SVIL: variants seen among roughly 807,000 people sequenced by gnomAD.
SVIL encodes archvillin.
SVIL carries 101 observed loss-of-function variants against 240.4 expected under a neutral mutation model. That is an observed-to-expected ratio of 0.42 (90% CI 0.36 to 0.50). The LOEUF is 0.50. SVIL is among the 20% of genes least tolerant of loss of function. The pLI, the probability that SVIL is intolerant of heterozygous loss-of-function variation, is 0.01. For synonymous variants in SVIL, 999 were observed against 1,100.0 expected (o/e 0.91, Z 1.82); for missense variants, 2,512 against 2,818.7 (o/e 0.89, Z 2.46).
chr10:29,619,231 G>A (rs1957538223), intron 1 of SVIL, among the ~76,000 whole-genome samples: 1 of 152,176 alleles, frequency 6.6e-6, no homozygotes, highest in Non-Finnish European at 1.5e-5. Flanking sequence ...AAGAATACAC[G>A]TTTTAGGAGA....
chr10:29,512,904 C>T (rs758107345), intron 16 of SVIL, 43 bp from the exon 17 acceptor site: 1 of 1,595,972 alleles, frequency 6.3e-7, no homozygotes, highest in South Asian at 1.1e-5. Flanking sequence ...CAGCACCAAA[C>T]TCTTCCTTGT....
intron 17 of SVIL, chr10:29,508,057 T>G: frequency 3.9e-6 from 1 of 253,846 alleles, no homozygotes; most frequent in South Asian, 4.6e-5. Context: ...ATGAGTTAAT[T>G]TATAGAAGAT....
upstream of SVIL, among the ~76,000 whole-genome samples, chr10:29,638,270 T>C (rs925885672): frequency 1.3e-5 from 2 of 152,180 alleles, no homozygotes; most frequent in South Asian, 4.1e-4. Flanking sequence ...GAGAACATCC[T>C]AGCCAACGTG....
At chr10:29,621,830 G>A (rs555369864) in intron 1 of SVIL, among the ~76,000 whole-genome samples, 24 of 148,722 alleles carry the variant, frequency 1.6e-4, no homozygotes, top group East Asian at 3.9e-4. Context: ...AAATATATGC[G>A]CACGCACACA....
At chr10:29,637,894 A>C (rs887551615), upstream of SVIL, among the ~76,000 whole-genome samples, 6 of 152,246 alleles carry the variant, frequency 3.9e-5, no homozygotes, top group African/African-American at 1.4e-4. Context: ...GTACACTTAC[A>C]TAGCATTTCC....
At chr10:29,724,579 A>G (rs544970673) in intron 1 of SVIL, among the ~76,000 whole-genome samples, 2 of 152,340 alleles carry the variant, frequency 1.3e-5, no homozygotes, top group East Asian at 3.9e-4. Flanking sequence ...AAAAAAATAT[A>G]TAAATCCTAT....
At chr10:29,558,607 A>G (rs994745591) in intron 3 of SVIL, among the ~76,000 whole-genome samples, 1 of 151,868 alleles carries the variant, frequency 6.6e-6, no homozygotes, top group Non-Finnish European at 1.5e-5. Flanking sequence ...AATGTGTATT[A>G]TATTACATAT....
chr10:29,586,890 G>A (rs1158428809), intron 1 of SVIL, among the ~76,000 whole-genome samples: 1 of 152,124 alleles, frequency 6.6e-6, no homozygotes, highest in Admixed American at 6.5e-5. Flanking sequence ...GGGGCCTTTC[G>A]CAGGGTGGAG....
intron 17 of SVIL, chr10:29,507,622 C>CACACACACAA: frequency 7.0e-6 from 2 of 287,132 alleles, no homozygotes; most frequent in Non-Finnish European, 1.0e-5. Flanking sequence ...CACACACACA[C>CACACACACAA]CTCTCTTTCA....
chr10:29,463,177 G>A lies in SVIL; in HGVS notation c.6277+315C>T, dbSNP rs117271981. ...CTTGTCTCTCAGCATGATCAACCCC[G>A]AGTACAGCGGGGTTTTAATCTGCCT... On this transcript the variant is annotated intron_variant, in intron 35 of 37. Transcript: ENST00000355867. Among the ~76,000 whole-genome samples, 352 of 152,304 alleles carry A rather than the reference G, an allele frequency of 2.3e-3. 9 individuals are homozygous for A. In the East Asian group the frequency reaches 0.06, roughly 26 times the overall value.
At chr10:29,724,623 G>C (rs902865128) in intron 1 of SVIL, among the ~76,000 whole-genome samples, 2 of 152,152 alleles carry the variant, frequency 1.3e-5, no homozygotes, top group Non-Finnish European at 2.9e-5. Context: ...TTTTTAGGAA[G>C]TGGATGGACA....
At chr10:29,539,316 T>C (rs922065824) in intron 6 of SVIL, among the ~76,000 whole-genome samples, 1 of 152,238 alleles carries the variant, frequency 6.6e-6, no homozygotes, top group Admixed American at 6.5e-5. Context: ...ATTTCTCTTT[T>C]TATGCTTTGA....
intron 3 of SVIL, among the ~76,000 whole-genome samples, chr10:29,560,749 C>T (rs1954381842): frequency 6.6e-6 from 1 of 151,734 alleles, no homozygotes; most frequent in Non-Finnish European, 1.5e-5. Context: ...GCTGGTCTTT[C>T]CAAATCTGCC....
intron 1 of SVIL, among the ~76,000 whole-genome samples, chr10:29,586,209 G>A (rs1043578144): frequency 2.6e-5 from 4 of 152,244 alleles, no homozygotes; most frequent in African/African-American, 9.6e-5. Context: ...AAGGAGAGGG[G>A]AGGCTGGTTA....
chr10:29,621,917 G>C (rs987489313), intron 1 of SVIL, among the ~76,000 whole-genome samples: 1 of 152,046 alleles, frequency 6.6e-6, no homozygotes, highest in Non-Finnish European at 1.5e-5. Flanking sequence ...CATACACGTA[G>C]ACATACACAA....
intron 1 of SVIL, among the ~76,000 whole-genome samples, chr10:29,701,197 C>A (rs1301673112): frequency 2.0e-5 from 3 of 152,152 alleles, no homozygotes; most frequent in African/African-American, 7.2e-5. Context: ...ACTCCTCTGT[C>A]CACAGCCAAA....
At chr10:29,625,495 A>T (rs1393719565) in intron 1 of SVIL, among the ~76,000 whole-genome samples, 2 of 151,904 alleles carry the variant, frequency 1.3e-5, no homozygotes, top group East Asian at 1.9e-4. Flanking sequence ...ACGGAGTCTC[A>T]CTCTGTTGCC....
chr10:29,653,645 T>G (rs1368415712), intron 3 of SVIL, among the ~76,000 whole-genome samples: 1 of 152,172 alleles, frequency 6.6e-6, no homozygotes, highest in Non-Finnish European at 1.5e-5. Flanking sequence ...GCCATTAAAT[T>G]TGTATCTATG....
chr10:29,479,795 A>T (rs1946625907), intron 29 of SVIL, among the ~76,000 whole-genome samples: 1 of 152,192 alleles, frequency 6.6e-6, no homozygotes, highest in Non-Finnish European at 1.5e-5. Flanking sequence ...AGAGGCAAAA[A>T]TACTCTCTTC....
Sources: gnomAD v4.1 joint callset for allele counts (sites outside exome capture counted in the v4.1 genomes callset) on GRCh38, gnomAD v4.1.1 for gene constraint, MANE v1.5 for transcripts, NCBI Gene and HGNC (gene_info 2026-07-23, HGNC 2026-07-21) for gene names.